PTCHD1: variants seen among roughly 807,000 people sequenced by gnomAD.
The protein encoded by PTCHD1 is patched domain-containing protein 1.
Under a neutral mutation model 34.6 loss-of-function variants are expected in PTCHD1, and 3 were observed. The observed-to-expected ratio is 0.09, with a 90% CI of 0.04 to 0.22. The LOEUF is 0.22. Among genes scored for constraint, PTCHD1 ranks in the 10% least tolerant of loss-of-function variants. PTCHD1 has a pLI of 1.00. For synonymous variants in PTCHD1, 305 were observed against 283.1 expected (o/e 1.08, Z -0.77); for missense variants, 504 against 685.5 (o/e 0.74, Z 2.96).
chrX:23,384,635 T>G (rs925833084), intron 2 of PTCHD1, among the ~76,000 whole-genome samples: 1 of 112,169 alleles, frequency 8.9e-6, no homozygotes, highest in African/African-American at 3.2e-5. Context: ...AAAATTCTCA[T>G]GCAAAACATT....
At chrX:23,386,228 A>G (rs1041225110) in intron 2 of PTCHD1, among the ~76,000 whole-genome samples, 4 of 111,889 alleles carry the variant, frequency 3.6e-5, no homozygotes, top group Non-Finnish European at 7.5e-5. Context: ...CACAATATCT[A>G]AATACTTTAA....
intron 1 of PTCHD1, among the ~76,000 whole-genome samples, chrX:23,362,304 G>C (rs978327697): frequency 2.7e-5 from 3 of 111,558 alleles, no homozygotes; most frequent in African/African-American, 6.5e-5. Context: ...ACGTAGATTT[G>C]GTCTTTTCAC....
intron 1 of PTCHD1, among the ~76,000 whole-genome samples, chrX:23,338,919 T>C (rs960890289): frequency 1.8e-5 from 2 of 112,063 alleles, no homozygotes; most frequent in Non-Finnish European, 3.8e-5. Flanking sequence ...AAAATCCACA[T>C]ACAGAAACTC....
Position 23,392,556 on chromosome X carries a change from A to G in PTCHD1, c.1038A>G (p.Glu346=), listed in dbSNP as rs1229670488. The stretch of plus-strand genomic sequence containing the variant: ...GTCATGGATTATATGGGACTTTTGA[A>G]ATGTTATCCTCCTGGAGGAAAACTA... ...MLGHGLYGTF[E]MLSSWRKTRE... The change falls in exon 3 of 3, where the codon GAA becomes GAG. Residue 346 remains glutamate, a synonymous_variant. Transcript: ENST00000379361. The G allele has an allele frequency of 5.8e-6, 7 of 1,203,647 alleles. No homozygotes were observed. In the African/African-American group the frequency reaches 1.1e-4, roughly 18 times the overall value.
chrX:23,380,016 A>C lies in PTCHD1; in HGVS notation c.777A>C (p.Glu259Asp). 8.3e-7 allele frequency: 1 copy of C among 1,211,946 alleles called. No individual in the cohort carries two copies. The highest frequency in any genetic ancestry group is 1.1e-6 in the Non-Finnish European group (1 of 895,497). The change falls in exon 2 of 3, where the codon GAA becomes GAC. Residue 259 changes from glutamate (E) to aspartate (D), a missense_variant. Glu to Asp is a conservative substitution (Grantham distance 45). Transcript: ENST00000379361. ...MYPYTSSSLR[E>D]DFQKTSRVSE... ...CTTACACGTCCTCCTCACTGAGGGA[A>C]GATTTCCAGAAGACCAGCCGCGTAT...
intron 1 of PTCHD1, among the ~76,000 whole-genome samples, chrX:23,357,689 T>C (rs577496312): frequency 2.4e-3 from 265 of 111,482 alleles, no homozygotes; most frequent in African/African-American, 8.0e-3. Flanking sequence ...CTGTAAGTTC[T>C]AGGGTACATA....
rs916712043 is a variant in PTCHD1 at position 23,396,058 on chromosome X, T to C, written c.*1873T>C. The C allele has an allele frequency of 8.9e-6, 1 of 112,469 alleles. No individual in the cohort carries two copies. Among genetic ancestry groups the C allele is most frequent in the African/African-American group, 3.2e-5 (1 of 30,933 alleles). The allele number at this position is 112,469 out of a possible 1,213,427, so 9.3% of individuals were successfully genotyped here. On this transcript the variant is annotated 3_prime_UTR_variant, in exon 3 of 3. Coordinates refer to ENST00000379361, the MANE Select transcript of PTCHD1 (RefSeq NM_173495.3). ...TCGTTGGCCACAGGGCAGACATTTT[T>C]TTAGTGTCTGGAATTAAAATGTTTG...
At chrX:23,385,085 T>C (rs1040394393) in intron 2 of PTCHD1, among the ~76,000 whole-genome samples, 1 of 112,098 alleles carries the variant, frequency 8.9e-6, no homozygotes, top group Non-Finnish European at 1.9e-5. Context: ...CATCTATTTT[T>C]TTAAAAGAGA....
In PTCHD1 at chrX:23,395,069, T is replaced by G. The variant is rs774394912; in HGVS notation, c.*884T>G. The G allele has an allele frequency of 8.9e-6, 1 of 111,815 alleles. No homozygotes were observed. Among genetic ancestry groups the G allele is most frequent in the African/African-American group, 3.3e-5 (1 of 30,766 alleles). 9.2% of individuals were successfully genotyped at this position (111,815 alleles called of 1,213,427 possible). A position where few individuals can be genotyped will look rare whatever the true frequency, so the allele number is the denominator to read the frequency against. On this transcript the variant is annotated 3_prime_UTR_variant, in exon 3 of 3. Transcript: ENST00000379361. ...AACCACAGGGCCAAACCCAAATACC[T>G]GGCATGATGGAGCAAAAGCAGGTGT...
chrX:23,358,884 G>A (rs188602434), intron 1 of PTCHD1, among the ~76,000 whole-genome samples: 15,759 of 111,427 alleles, frequency 0.14, 927 homozygotes, highest in Admixed American at 0.19. Context: ...AGTTTTCCCC[G>A]CACCATTTAT....
chrX:23,363,455 G>A (rs374810567), intron 1 of PTCHD1, among the ~76,000 whole-genome samples: 22 of 113,113 alleles, frequency 1.9e-4, no homozygotes, highest in Middle Eastern at 4.6e-3. Flanking sequence ...GGGACCTGCC[G>A]AACCAGGCGT....
chrX:23,389,894 G>A (rs1277013298), intron 2 of PTCHD1, among the ~76,000 whole-genome samples: 1 of 112,123 alleles, frequency 8.9e-6, no homozygotes, highest in Non-Finnish European at 1.9e-5. Flanking sequence ...ACTCAAGAGA[G>A]AAGCTAACAG....
At chrX:23,390,406 C>T (rs1200313597) in intron 2 of PTCHD1, among the ~76,000 whole-genome samples, 1 of 110,341 alleles carries the variant, frequency 9.1e-6, no homozygotes, top group East Asian at 2.8e-4. Context: ...TTTTTACCCT[C>T]ATTGTCAAGA....
intron 1 of PTCHD1, among the ~76,000 whole-genome samples, chrX:23,336,968 CT>C (rs910634234): frequency 1.3e-4 from 14 of 110,995 alleles, no homozygotes; most frequent in Non-Finnish European, 1.9e-4. Flanking sequence ...TTTCCATTGC[CT>C]TTCCCCCCCC....
chrX:23,387,753 G>A (rs910061774), intron 2 of PTCHD1, among the ~76,000 whole-genome samples: 30 of 111,553 alleles, frequency 2.7e-4, no homozygotes, highest in African/African-American at 9.8e-4. Flanking sequence ...CTCTTTATGT[G>A]TGTGTGTATG....
chrX:23,362,354 C>T (rs1009350243), intron 1 of PTCHD1, among the ~76,000 whole-genome samples: 3 of 112,028 alleles, frequency 2.7e-5, no homozygotes, highest in African/African-American at 9.7e-5. Flanking sequence ...TTTCTTTTTA[C>T]TCTTTTTTCT....
intron 2 of PTCHD1, 38 bp from the exon 3 acceptor site, chrX:23,392,493 C>A (rs1160278235): frequency 3.2e-6 from 3 of 943,100 alleles, no homozygotes; most frequent in Non-Finnish European, 4.6e-6. Context: ...GAGATTAGTT[C>A]TTTAAACTTC....
chrX:23,349,625 C>T (rs1036183462), intron 1 of PTCHD1, among the ~76,000 whole-genome samples: 1 of 111,448 alleles, frequency 9.0e-6, no homozygotes, highest in Admixed American at 9.5e-5. Flanking sequence ...TACAACAATC[C>T]TAAATATGTA....
chrX:23,337,612 A>G (rs1242206093), intron 1 of PTCHD1, among the ~76,000 whole-genome samples: 3 of 110,231 alleles, frequency 2.7e-5, no homozygotes, highest in African/African-American at 1.0e-4. Flanking sequence ...TGTTGTTACT[A>G]GTGTTATTCT....
Sources: gnomAD v4.1 joint callset for allele counts (sites outside exome capture counted in the v4.1 genomes callset) on GRCh38, gnomAD v4.1.1 for gene constraint, MANE v1.5 for transcripts, NCBI Gene and HGNC (gene_info 2026-07-23, HGNC 2026-07-21) for gene names.